DLGAP2: variants seen among roughly 807,000 people sequenced by gnomAD.
The protein encoded by DLGAP2 is DLG associated protein 2.
In DLGAP2, 26 loss-of-function variants were observed where a neutral mutation model predicts 100.3. That is an observed-to-expected ratio of 0.26 (90% CI 0.19 to 0.36). The LOEUF (loss-of-function observed/expected upper bound fraction) is 0.36, where lower values mean the gene tolerates loss of function less well. Ranked by LOEUF, DLGAP2 falls within the 10% of genes least tolerant of loss-of-function variation. The probability of loss-of-function intolerance (pLI) is 1.00; values close to 1 mark genes in which losing one functional copy is unlikely to be tolerated. For missense variants in DLGAP2, 1,858 were observed against 1,453.2 expected (o/e 1.28, Z -4.53); for synonymous variants, 886 against 630.1 (o/e 1.41, Z -6.08).
intron 1 of DLGAP2, chr8:753,664 T>C (rs2132577430): frequency 6.6e-6 from 1 of 152,290 alleles, no homozygotes; most frequent in South Asian, 2.1e-4. Context: ...GAGCTTCGAG[T>C]TCTTTATTCA....
At chr8:1,543,602 A>T (rs990771903) in intron 4 of DLGAP2, among the ~76,000 whole-genome samples, 3 of 152,184 alleles carry the variant, frequency 2.0e-5, no homozygotes, top group Non-Finnish European at 4.4e-5. Context: ...CTTGGGATCC[A>T]TAAGTGTGAG....
intron 4 of DLGAP2, among the ~76,000 whole-genome samples, chr8:1,535,230 C>T (rs1801118921): frequency 6.6e-6 from 1 of 152,234 alleles, no homozygotes; most frequent in African/African-American, 2.4e-5. Flanking sequence ...TAGCCCTGGT[C>T]ATCACAGCCT....
intron 5 of DLGAP2, among the ~76,000 whole-genome samples, chr8:1,555,701 C>T (rs1217498537): frequency 2.0e-5 from 3 of 152,240 alleles, no homozygotes; most frequent in African/African-American, 7.2e-5. Flanking sequence ...CTGGGAGCAG[C>T]TTGGTGCCGG....
intron 2 of DLGAP2, among the ~76,000 whole-genome samples, chr8:1,207,789 T>C (rs1422810950): frequency 2.6e-5 from 4 of 152,218 alleles, no homozygotes; most frequent in African/African-American, 9.6e-5. Flanking sequence ...ACACTGTGGT[T>C]TTTTTATTTG....
intron 1 of DLGAP2, among the ~76,000 whole-genome samples, chr8:774,313 A>G (rs1303711531): frequency 6.6e-6 from 1 of 152,030 alleles, no homozygotes; most frequent in Non-Finnish European, 1.5e-5. Flanking sequence ...GTTCACTCTG[A>G]TGGTAGTTTC....
chr8:1,387,402 C>T (rs1796245352), intron 3 of DLGAP2, among the ~76,000 whole-genome samples: 1 of 152,192 alleles, frequency 6.6e-6, no homozygotes, highest in Admixed American at 6.5e-5. Context: ...GGCCACGGGG[C>T]TGCAGAGAAG....
intron 1 of DLGAP2, among the ~76,000 whole-genome samples, chr8:788,789 G>A (rs979185361): frequency 2.4e-4 from 37 of 152,170 alleles, no homozygotes; most frequent in Admixed American, 2.2e-3. Context: ...TCACTGGGTC[G>A]TGGTGGGTTC....
At chr8:781,649 G>C (rs7006952) in intron 1 of DLGAP2, among the ~76,000 whole-genome samples, 1 of 152,150 alleles carries the variant, frequency 6.6e-6, no homozygotes, top group African/African-American at 2.4e-5. Flanking sequence ...AAAGAAGTTC[G>C]TTGTGACACG....
At chr8:933,180 C>G (rs558452945) in intron 2 of DLGAP2, among the ~76,000 whole-genome samples, 1 of 152,362 alleles carries the variant, frequency 6.6e-6, no homozygotes, top group East Asian at 1.9e-4. Flanking sequence ...CGGGTTGTGA[C>G]GGGAATTCAG....
intron 2 of DLGAP2, among the ~76,000 whole-genome samples, chr8:1,111,562 C>T (rs766361966): frequency 1.3e-5 from 2 of 152,132 alleles, no homozygotes; most frequent in Non-Finnish European, 2.9e-5. Context: ...CTCCCATATG[C>T]CACCCTCCGA....
intron 1 of DLGAP2, among the ~76,000 whole-genome samples, chr8:823,954 C>T: frequency 6.6e-6 from 1 of 152,184 alleles, no homozygotes; most frequent in Non-Finnish European, 1.5e-5. Context: ...TTAGCTTTAT[C>T]CCAAAGGGGA....
chr8:1,540,847 A>G (rs1380493124), intron 4 of DLGAP2, among the ~76,000 whole-genome samples: 10 of 152,256 alleles, frequency 6.6e-5, no homozygotes, highest in Admixed American at 6.5e-4. Flanking sequence ...AAACCACACA[A>G]ACATCCAGGT....
chr8:1,268,593 C>G (rs571696021), intron 3 of DLGAP2, among the ~76,000 whole-genome samples: 1 of 152,122 alleles, frequency 6.6e-6, no homozygotes, highest in Non-Finnish European at 1.5e-5. Flanking sequence ...AACATCTTTC[C>G]GCTGATCTGC....
chr8:1,539,879 GC>G (rs11298690), intron 4 of DLGAP2, among the ~76,000 whole-genome samples: 46,882 of 151,872 alleles, frequency 0.31, 8,713 homozygotes, highest in African/African-American at 0.53. Context: ...TTCTTCCTGT[GC>G]CCCCCAAGCC....
At chr8:1,222,733 T>C (rs920220055) in intron 2 of DLGAP2, among the ~76,000 whole-genome samples, 1 of 151,890 alleles carries the variant, frequency 6.6e-6, no homozygotes, top group Non-Finnish European at 1.5e-5. Context: ...GCTCTGATGG[T>C]CAGACGGGCT....
intron 3 of DLGAP2, among the ~76,000 whole-genome samples, chr8:1,260,474 C>G (rs1440917456): frequency 6.6e-6 from 1 of 152,162 alleles, no homozygotes; most frequent in African/African-American, 2.4e-5. Flanking sequence ...TTGTCACATG[C>G]CACTTACTGC....
At chr8:1,473,984 G>C (rs1289676036) in intron 3 of DLGAP2, among the ~76,000 whole-genome samples, 1 of 152,074 alleles carries the variant, frequency 6.6e-6, no homozygotes, top group East Asian at 1.9e-4. Context: ...CATGAAAACA[G>C]ACTAATACAT....
At chr8:798,784 C>T (rs1389580742) in intron 1 of DLGAP2, among the ~76,000 whole-genome samples, 1 of 146,178 alleles carries the variant, frequency 6.8e-6, no homozygotes, top group African/African-American at 2.6e-5. Flanking sequence ...ACCTGCAGCC[C>T]CGTGCCCTGG....
chr8:1,191,361 G>A (rs1797633247), intron 2 of DLGAP2, among the ~76,000 whole-genome samples: 1 of 151,898 alleles, frequency 6.6e-6, no homozygotes, highest in Non-Finnish European at 1.5e-5. Context: ...TGGTAGAGAC[G>A]GGATTTCACC....
Sources: allele counts gnomAD v4.1 joint callset (sites outside exome capture counted in the v4.1 genomes callset), GRCh38; gene constraint gnomAD v4.1.1; transcripts MANE v1.5; gene names NCBI Gene and HGNC (gene_info 2026-07-23, HGNC 2026-07-21).